BCR: variants seen among roughly 807,000 people sequenced by gnomAD.
The protein encoded by BCR is BCR activator of RhoGEF and GTPase, also known as breakpoint cluster region protein.
Under a neutral mutation model 138.6 loss-of-function variants are expected in BCR, and 58 were observed. The observed-to-expected ratio is 0.42, with a 90% CI of 0.34 to 0.52. The LOEUF is 0.52. Ranked by LOEUF, BCR falls within the 20% of genes least tolerant of loss-of-function variation. The probability of loss-of-function intolerance (pLI) is 0.06; values close to 1 mark genes in which losing one functional copy is unlikely to be tolerated. For missense variants in BCR, 1,599 were observed against 1,727.2 expected (o/e 0.93, Z 1.32); for synonymous variants, 786 against 730.1 (o/e 1.08, Z -1.23).
At chr22:23,265,455 G>A (rs546441553) in intron 4 of BCR, among the ~76,000 whole-genome samples, 49 of 152,332 alleles carry the variant, frequency 3.2e-4, no homozygotes, top group Non-Finnish European at 5.9e-4. Context: ...GGAGCTTGCA[G>A]TGCCCTTCCC....
At chr22:23,227,376 C>A (rs1044793846) in intron 1 of BCR, among the ~76,000 whole-genome samples, 6 of 152,194 alleles carry the variant, frequency 3.9e-5, no homozygotes, top group African/African-American at 1.4e-4. Context: ...GCACAGCCCA[C>A]GATCAGGGAG....
intron 15 of BCR, among the ~76,000 whole-genome samples, chr22:23,294,181 C>G (rs1243730168): frequency 6.6e-6 from 1 of 152,164 alleles, no homozygotes; most frequent in Admixed American, 6.5e-5. Context: ...CATCCCACTC[C>G]AGGGTGGGAC....
rs1185080364 is a variant in BCR at position 23,180,820 on chromosome 22, G to A, written c.-141G>A. ...CCGCCTCACCTGCCACCAGGGAGTG[G>A]GCGGGCATTGTTCGCCGCCGCCGCC... On this transcript the variant is annotated 5_prime_UTR_variant, in exon 1 of 23. Transcript: ENST00000305877. The A allele has an allele frequency of 1.5e-5, 5 of 325,318 alleles. No homozygotes were observed. Among genetic ancestry groups the A allele is most frequent in the Non-Finnish European group, 2.2e-5 (5 of 230,218 alleles). 20.2% of individuals were successfully genotyped at this position (325,318 alleles called of 1,614,324 possible). A position where few individuals can be genotyped will look rare whatever the true frequency, so the allele number is the denominator to read the frequency against.
intron 1 of BCR, among the ~76,000 whole-genome samples, chr22:23,212,713 A>C (rs921913174): frequency 1.5e-4 from 23 of 152,182 alleles, no homozygotes; most frequent in African/African-American, 5.5e-4. Context: ...CAACACACAC[A>C]GCTTCCATGG....
intron 4 of BCR, chr22:23,263,318 C>A: frequency 8.5e-7 from 1 of 1,180,156 alleles, no homozygotes. Context: ...ACTTCACCAA[C>A]TGCGACCTGC....
rs1382269879 is a variant in BCR at position 23,181,809 on chromosome 22, C to T, written c.849C>T (p.Tyr283=). The stretch of plus-strand genomic sequence containing the variant: ...AGTACCAGCCCTACCAGAGCATCTA[C>T]GTCGGGGGCATGATGGAAGGGGAGG... ...PLEYQPYQSI[Y]VGGMMEGEGK... is the part of the protein sequence containing the mutation. Residue 283 remains tyrosine, a synonymous_variant, in exon 1 of 23, where the codon TAC becomes TAT. Transcript: ENST00000305877. The T allele has an allele frequency of 3.6e-5, 58 of 1,610,408 alleles. No homozygotes were observed. The highest frequency in any genetic ancestry group is 4.8e-5 in the Non-Finnish European group (57 of 1,179,936).
At chr22:23,253,746 T>A (rs1332376739) in intron 1 of BCR, 53 bp from the exon 2 acceptor site, 7 of 1,560,702 alleles carry the variant, frequency 4.5e-6, no homozygotes, top group Non-Finnish European at 6.1e-6. Context: ...ATGGGTTGAG[T>A]ATGGATGCTC....
intron 1 of BCR, among the ~76,000 whole-genome samples, chr22:23,235,847 T>C (rs923153364): frequency 6.6e-6 from 1 of 152,190 alleles, no homozygotes; most frequent in Non-Finnish European, 1.5e-5. Flanking sequence ...GGATGGGGGC[T>C]GTCTCTGGGG....
intron 15 of BCR, 121 bp from the exon 16 acceptor site, chr22:23,294,903 C>T: frequency 1.6e-6 from 2 of 1,267,796 alleles, no homozygotes; most frequent in East Asian, 4.7e-5. Flanking sequence ...AGGAGGGTCT[C>T]AGGCATTGGT....
At chr22:23,254,034 C>T (rs536333041) in intron 2 of BCR, 54 bp downstream of exon 2, 392 of 1,543,960 alleles carry the variant, frequency 2.5e-4, no homozygotes, top group Non-Finnish European at 3.2e-4. Flanking sequence ...CTCCCTGAAG[C>T]GCAGCCCCAT....
At chr22:23,285,559 G>A (rs1366649168) in intron 10 of BCR, among the ~76,000 whole-genome samples, 1 of 152,188 alleles carries the variant, frequency 6.6e-6, no homozygotes, top group Non-Finnish European at 1.5e-5. Context: ...GGTCCCTCAC[G>A]AGAGAAACTT....
intron 20 of BCR, 117 bp downstream of exon 20, chr22:23,313,138 G>A (rs1385544786): frequency 2.7e-5 from 36 of 1,335,182 alleles, no homozygotes; most frequent in Non-Finnish European, 3.3e-5. Flanking sequence ...TGCCATGGTC[G>A]GCATTTTAAC....
chr22:23,297,225 T>TTTTTTTTTTTTTTG (rs2073856250), intron 16 of BCR, among the ~76,000 whole-genome samples: 1 of 142,074 alleles, frequency 7.0e-6, no homozygotes, highest in Admixed American at 7.1e-5. Context: ...TTTTTTGTTT[T>TTTTTTTTTTTTTTG]TTTTTTTTTT....
intron 1 of BCR, chr22:23,251,069 T>C (rs1376895906): frequency 1.3e-5 from 2 of 152,266 alleles, no homozygotes; most frequent in African/African-American, 4.8e-5. Flanking sequence ...ATACAGCTTG[T>C]TGAGGGACTT....
intron 1 of BCR, among the ~76,000 whole-genome samples, chr22:23,221,731 G>T (rs557082353): frequency 6.6e-6 from 1 of 152,304 alleles, no homozygotes; most frequent in South Asian, 2.1e-4. Context: ...GCTCACTAGA[G>T]TTTCTGTCTC....
chr22:23,204,142 G>A (rs998493817), intron 1 of BCR, among the ~76,000 whole-genome samples: 4 of 152,196 alleles, frequency 2.6e-5, no homozygotes, highest in African/African-American at 4.8e-5. Context: ...GTCCTGCACC[G>A]TGGAGGGTGT....
intron 20 of BCR, among the ~76,000 whole-genome samples, 193 bp downstream of exon 20, chr22:23,313,214 G>A (rs1032219771): frequency 1.3e-5 from 2 of 152,186 alleles, no homozygotes; most frequent in African/African-American, 4.8e-5. Flanking sequence ...TCCCTAGAGG[G>A]CTCCCTGTCC....
At chr22:23,306,059 A>G (rs531792291) in intron 16 of BCR, 1 of 152,258 alleles carries the variant, frequency 6.6e-6, no homozygotes, top group South Asian at 2.1e-4. Flanking sequence ...TATTCTTTAT[A>G]CGGCTTCCGC....
chr22:23,234,851 T>C (rs1476753638), intron 1 of BCR, among the ~76,000 whole-genome samples: 3 of 143,874 alleles, frequency 2.1e-5, no homozygotes, highest in Admixed American at 7.0e-5. Context: ...CTGGACAGTC[T>C]TCGGGGCCCA....
Sources: allele counts gnomAD v4.1 joint callset (sites outside exome capture counted in the v4.1 genomes callset), GRCh38; gene constraint gnomAD v4.1.1; transcripts MANE v1.5; gene names NCBI Gene and HGNC (gene_info 2026-07-23, HGNC 2026-07-21).